C5orf47: variants seen among roughly 807,000 people sequenced by gnomAD.
C5orf47 encodes uncharacterized protein C5orf47.
A neutral mutation model predicts 20.6 loss-of-function variants in C5orf47; 20 were observed. The observed-to-expected ratio is 0.97, with a 90% CI of 0.68 to 1.41. C5orf47 has a LOEUF of 1.41. Among genes scored for constraint, C5orf47 ranks in the 40% most tolerant of loss-of-function variants. The pLI, the probability that C5orf47 is intolerant of heterozygous loss-of-function variation, is 0.00. For synonymous variants in C5orf47, 106 were observed against 97.3 expected, an observed-to-expected ratio of 1.09 and a Z score of -0.53; for missense variants, 262 against 238.4, an observed-to-expected ratio of 1.10 and a Z score of -0.65.
In C5orf47 at chr5:173,989,589, G is replaced by A. The variant is rs1345919081; in HGVS notation, c.325+1G>A. 1 of 1,443,662 alleles carries A rather than the reference G, an allele frequency of 6.9e-7. No individual in the cohort carries two copies. The highest frequency in any genetic ancestry group is 2.6e-5 in the Admixed American group (1 of 38,468). 89.4% of individuals were successfully genotyped at this position (1,443,662 alleles called of 1,614,324 possible). On this transcript the variant is annotated splice_donor_variant, in intron 1 of 4. Coordinates refer to ENST00000340147, the MANE Select transcript of C5orf47 (RefSeq NM_001144954.2). LOFTEE classifies it high-confidence loss of function. ...GGCACCAGACAGTCGGCGCGTGCAGGTGGTGCAGCGGGGCAGGGCGGGACC... is the reference window on the plus strand; with the variant it reads ...GGCACCAGACAGTCGGCGCGTGCAGATGGTGCAGCGGGGCAGGGCGGGACC...
At chr5:173,990,175 G>A (rs181240546) in intron 1 of C5orf47, among the ~76,000 whole-genome samples, 90 of 150,192 alleles carry the variant, frequency 6.0e-4, no homozygotes, top group African/African-American at 2.1e-3. Context: ...ACTCAGGCTG[G>A]AGTGTGGTGG....
intron 4 of C5orf47, among the ~76,000 whole-genome samples, chr5:174,002,038 C>G (rs1403280542): frequency 2.6e-5 from 4 of 151,290 alleles, no homozygotes; most frequent in Admixed American, 6.6e-5. Context: ...ACTGCTGCCT[C>G]TAACTCCTGG....
chr5:173,993,548 T>A (rs1008475059), intron 1 of C5orf47, among the ~76,000 whole-genome samples: 1 of 151,894 alleles, frequency 6.6e-6, no homozygotes, highest in Non-Finnish European at 1.5e-5. Context: ...GGAGGCTGAG[T>A]CAGGAGAATG....
chr5:173,999,498 G>A (rs766257144), intron 2 of C5orf47, among the ~76,000 whole-genome samples: 1 of 152,024 alleles, frequency 6.6e-6, no homozygotes, highest in Non-Finnish European at 1.5e-5. Flanking sequence ...GAAATTCTAG[G>A]AATTTTGAAA....
chr5:174,003,781 C>A (rs572524640), intron 4 of C5orf47, among the ~76,000 whole-genome samples: 1 of 152,040 alleles, frequency 6.6e-6, no homozygotes, highest in Non-Finnish European at 1.5e-5. Context: ...ACATGAAATT[C>A]GCAGGAAATC....
In C5orf47 at chr5:173,997,611, C is replaced by G. The variant is rs192398175; in HGVS notation, c.326-542C>G. Among the ~76,000 whole-genome samples, 28 of 152,138 alleles carry G rather than the reference C, an allele frequency of 1.8e-4. No homozygotes were observed. In the East Asian group the frequency reaches 4.8e-3, roughly 26 times the overall value. ...GCTATGAAGAAGGTGTTCTCAGATC[C>G]ATGCTGTGTGTTGAGCTGCGTGTGT... On this transcript the variant is annotated intron_variant, in intron 1 of 4. Coordinates refer to ENST00000340147, the MANE Select transcript of C5orf47 (RefSeq NM_001144954.2).
At chr5:173,992,836 G>C (rs1759022781) in intron 1 of C5orf47, among the ~76,000 whole-genome samples, 1 of 152,034 alleles carries the variant, frequency 6.6e-6, no homozygotes, top group Non-Finnish European at 1.5e-5. Context: ...TTCATTTTAT[G>C]GATGTTACTG....
chr5:174,000,543 T>A (rs1175506061), intron 3 of C5orf47, among the ~76,000 whole-genome samples: 3 of 152,140 alleles, frequency 2.0e-5, no homozygotes, highest in African/African-American at 7.2e-5. Flanking sequence ...AATGTTTCTG[T>A]GAGTTCTTAG....
chr5:173,997,329 A>G lies in C5orf47; in HGVS notation c.326-824A>G, dbSNP rs578052625. 3.3e-4 allele frequency among the ~76,000 whole-genome samples: 51 copies of G among 152,322 alleles called. No homozygotes were observed. In the South Asian group the frequency reaches 4.4e-3, roughly 13 times the overall value. ...AATGAGAGCCAATATAAAGGCTTTC[A>G]GGGAACACACGCTCATTATTTTATA... On this transcript the variant is annotated intron_variant, in intron 1 of 4. Transcript: ENST00000340147.
At chr5:174,003,189 A>G (rs1759229570) in intron 4 of C5orf47, among the ~76,000 whole-genome samples, 1 of 152,190 alleles carries the variant, frequency 6.6e-6, no homozygotes, top group Non-Finnish European at 1.5e-5. Context: ...TTATGAATAT[A>G]TAGAACATTT....
Position 173,989,281 on chromosome 5 carries a change from G to A in C5orf47, c.18G>A (p.Arg6=). 7.2e-7 allele frequency: 1 copy of A among 1,386,952 alleles called. No individual in the cohort carries two copies. Among genetic ancestry groups the A allele is most frequent in the South Asian group, 1.7e-5 (1 of 59,612 alleles). 85.9% of individuals were successfully genotyped at this position (1,386,952 alleles called of 1,614,324 possible). Residue 6 remains arginine (R), a synonymous_variant, in exon 1 of 5, where the codon CGG becomes CGA. Transcript: ENST00000340147. MAAAG[R]GREQDSARFV... ...AGGCTGCGATGGCGGCGGCAGGCCGGGGTCGGGAGCAGGACTCGGCGCGCT... is the reference window on the plus strand; with the variant it reads ...AGGCTGCGATGGCGGCGGCAGGCCGAGGTCGGGAGCAGGACTCGGCGCGCT...
intron 1 of C5orf47, among the ~76,000 whole-genome samples, 176 bp downstream of exon 1, chr5:173,989,764 C>T (rs1008558213): frequency 1.3e-5 from 2 of 152,240 alleles, no homozygotes; most frequent in African/African-American, 4.8e-5. Context: ...CTTCAGAGGG[C>T]CAGCTGTGGC....
At chr5:173,992,544 G>C (rs1759017969) in intron 1 of C5orf47, among the ~76,000 whole-genome samples, 1 of 151,890 alleles carries the variant, frequency 6.6e-6, no homozygotes, top group African/African-American at 2.4e-5. Context: ...ATACTTTTTT[G>C]TGAGCAGGGA....
rs1759278570 is a variant in C5orf47 at position 174,005,671 on chromosome 5, C to CA, written c.*1418dup. ...AACTGAAGTCCATTGCAAAATGAGA[C>CA]ATATTTACACTGTTTATACTGTAAT... On this transcript the variant is annotated 3_prime_UTR_variant, in exon 5 of 5. Transcript: ENST00000340147. 3 of 152,416 alleles carry CA rather than the reference C, an allele frequency of 2.0e-5. No homozygotes were observed. In the South Asian group the frequency reaches 6.2e-4, roughly 32 times the overall value. The allele number at this position is 152,416 out of a possible 1,614,324, so 9.4% of individuals were successfully genotyped here. A position where few individuals can be genotyped will look rare whatever the true frequency, so the allele number is the denominator to read the frequency against.
intron 3 of C5orf47, among the ~76,000 whole-genome samples, chr5:174,000,401 TA>T (rs1581196899): frequency 6.6e-6 from 1 of 152,134 alleles, no homozygotes; most frequent in Non-Finnish European, 1.5e-5. Context: ...TTCTGGATTT[TA>T]AAAAAATTAA....
At chr5:173,991,144 G>T (rs545255935) in intron 1 of C5orf47, among the ~76,000 whole-genome samples, 23 of 152,242 alleles carry the variant, frequency 1.5e-4, no homozygotes, top group African/African-American at 5.5e-4. Flanking sequence ...GTGGGCTTTT[G>T]TGACTGGCTT....
downstream of C5orf47, among the ~76,000 whole-genome samples, chr5:174,008,303 GGTT>G (rs1759323076): frequency 6.6e-6 from 1 of 152,160 alleles, no homozygotes; most frequent in South Asian, 2.1e-4. Flanking sequence ...TGACACAGAA[GGTT>G]GTTAACTTTG....
chr5:174,007,835 C>T (rs1759315756), downstream of C5orf47, among the ~76,000 whole-genome samples: 1 of 152,128 alleles, frequency 6.6e-6, no homozygotes. Context: ...GCTGGGATTA[C>T]AGGCATGAGC....
rs572001888 is a variant in C5orf47 at position 173,997,292 on chromosome 5, T to A, written c.326-861T>A. 1.8e-3 allele frequency among the ~76,000 whole-genome samples: 270 copies of A among 152,030 alleles called. 1 individual carries two copies. The highest frequency in any genetic ancestry group is 1.7e-3 in the Non-Finnish European group (118 of 67,996). ...GTGGGGAAGGGTTGAGGTGAGGGAATATTCTAGACAAAATGAGAGCCAATA... is the reference window on the plus strand; with the variant it reads ...GTGGGGAAGGGTTGAGGTGAGGGAAAATTCTAGACAAAATGAGAGCCAATA... On this transcript the variant is annotated intron_variant, in intron 1 of 4. Transcript: ENST00000340147.
Sources: gnomAD v4.1 joint callset for allele counts (sites outside exome capture counted in the v4.1 genomes callset) on GRCh38, gnomAD v4.1.1 for gene constraint, MANE v1.5 for transcripts, NCBI Gene and HGNC (gene_info 2026-07-23, HGNC 2026-07-21) for gene names.